EML6: variants seen among roughly 807,000 people sequenced by gnomAD.
EML6 encodes echinoderm microtubule-associated protein-like 6.
In EML6, 154 loss-of-function variants were observed where a neutral mutation model predicts 240.1. The observed-to-expected ratio is 0.64, with a 90% CI of 0.56 to 0.73. EML6 has a LOEUF of 0.73. EML6 is among the 30% of genes least tolerant of loss of function. EML6 has a pLI of 0.00. For missense variants in EML6, 2,964 were observed against 2,474.6 expected (o/e 1.20, Z -4.20); for synonymous variants, 1,148 against 899.0 (o/e 1.28, Z -4.95).
chr2:54,908,203 A>C (rs1673450013), intron 24 of EML6, among the ~76,000 whole-genome samples: 2 of 151,212 alleles, frequency 1.3e-5, no homozygotes, highest in African/African-American at 4.9e-5. Flanking sequence ...CACTCAAACC[A>C]GCTTAAACTT....
In EML6 at chr2:54,883,775, T is replaced by G. The variant is rs553132809; in HGVS notation, c.2438+4135T>G. 5.9e-5 allele frequency among the ~76,000 whole-genome samples: 9 copies of G among 152,350 alleles called. 1 individual carries two copies. In the South Asian group the frequency reaches 1.9e-3, roughly 32 times the overall value. ...ACTTGCAGGCAACTTCCCTACAAGT[T>G]TAACAAGTGTGTATAAGAAAAATGA... On this transcript the variant is annotated intron_variant, in intron 17 of 41. Transcript: ENST00000356458.
intron 2 of EML6, among the ~76,000 whole-genome samples, chr2:54,803,911 G>T (rs145440148): frequency 3.9e-5 from 6 of 152,226 alleles, no homozygotes; most frequent in Non-Finnish European, 8.8e-5. Flanking sequence ...ATGTTTGACA[G>T]AACATTCTGA....
chr2:54,799,344 AGCCACCAC>A (rs1669990528), intron 2 of EML6, among the ~76,000 whole-genome samples: 1 of 151,832 alleles, frequency 6.6e-6, no homozygotes, highest in African/African-American at 2.4e-5. Context: ...TACAGGCATG[AGCCACCAC>A]GCCCAGCCTT....
chr2:54,801,338 T>C (rs1240891777), intron 2 of EML6, among the ~76,000 whole-genome samples: 1 of 148,810 alleles, frequency 6.7e-6, no homozygotes, highest in Non-Finnish European at 1.5e-5. Context: ...AAAAAAAGGT[T>C]TCTCATTGGA....
At chr2:54,950,545 A>C (rs372144125) in intron 29 of EML6, 105 bp from the exon 30 acceptor site, 1,407 of 1,311,970 alleles carry the variant, frequency 1.1e-3, no homozygotes, top group Middle Eastern at 2.2e-3. Context: ...GTCACCAGCC[A>C]TACCGTTCCT....
intron 37 of EML6, 98 bp from the exon 38 acceptor site, chr2:54,964,473 C>T (rs563942673): frequency 2.6e-6 from 3 of 1,166,486 alleles, no homozygotes; most frequent in East Asian, 2.6e-5. Context: ...GCTCTCATTG[C>T]CTTTAGGCCT....
At chr2:54,843,246 T>C (rs775556504) in intron 7 of EML6, among the ~76,000 whole-genome samples, 4 of 152,052 alleles carry the variant, frequency 2.6e-5, no homozygotes, top group African/African-American at 9.7e-5. Flanking sequence ...GGGCACCACA[T>C]AGCAAGACCT....
intron 7 of EML6, among the ~76,000 whole-genome samples, chr2:54,833,776 C>G (rs139697762): frequency 6.6e-6 from 1 of 152,122 alleles, no homozygotes; most frequent in South Asian, 2.1e-4. Flanking sequence ...GTTTCTGTAG[C>G]AACAACAACA....
chr2:54,775,452 C>A (rs1668563078), intron 2 of EML6, among the ~76,000 whole-genome samples: 1 of 152,126 alleles, frequency 6.6e-6, no homozygotes, highest in Admixed American at 6.5e-5. Flanking sequence ...TGGCTTACTC[C>A]CTCATTTTGT....
At chr2:54,823,307 C>T (rs1668416755) in intron 5 of EML6, among the ~76,000 whole-genome samples, 2 of 152,036 alleles carry the variant, frequency 1.3e-5, no homozygotes, top group African/African-American at 2.4e-5. Context: ...GGTCGGGAGG[C>T]AGAACTAGGC....
chr2:54,918,245 C>T (rs1035609207), intron 26 of EML6, among the ~76,000 whole-genome samples: 1 of 152,062 alleles, frequency 6.6e-6, no homozygotes, highest in Admixed American at 6.6e-5. Flanking sequence ...TTTCACAATC[C>T]CGAGTTCTAA....
chr2:54,794,009 C>T (rs1369740152), intron 2 of EML6, among the ~76,000 whole-genome samples: 2 of 152,212 alleles, frequency 1.3e-5, no homozygotes, highest in South Asian at 2.1e-4. Flanking sequence ...TGCCTCACCT[C>T]ATCTAATAAA....
intron 28 of EML6, among the ~76,000 whole-genome samples, chr2:54,929,507 T>A (rs1277566700): frequency 2.6e-5 from 4 of 152,238 alleles, no homozygotes; most frequent in Non-Finnish European, 4.4e-5. Flanking sequence ...ATCTCAAAGA[T>A]GTTTTAATAA....
intron 31 of EML6, among the ~76,000 whole-genome samples, 176 bp downstream of exon 31, chr2:54,952,868 CTG>C (rs779842321): frequency 3.3e-5 from 5 of 152,178 alleles, no homozygotes; most frequent in Admixed American, 6.5e-5. Context: ...CATCCAGTGA[CTG>C]TGATTCTGAG....
intron 33 of EML6, among the ~76,000 whole-genome samples, chr2:54,958,302 C>T (rs1217144294): frequency 6.6e-6 from 1 of 152,138 alleles, no homozygotes; most frequent in Non-Finnish European, 1.5e-5. Context: ...AGCGATTCTC[C>T]TGCCTCAGCC....
intron 25 of EML6, among the ~76,000 whole-genome samples, chr2:54,913,041 TC>T (rs1217268322): frequency 2.0e-5 from 3 of 150,900 alleles, no homozygotes; most frequent in African/African-American, 4.9e-5. Context: ...GAATAAGCAT[TC>T]CCTTTACTCT....
At position 54,829,405 on chromosome 2, in the gene EML6, A is replaced by G. The variant is rs1162785040; in HGVS notation, c.775A>G (p.Ile259Val). The change falls in exon 7 of 42, where the codon ATA becomes GTA. Residue 259 changes from isoleucine (I) to valine (V), a missense_variant. Ile to Val is a conservative substitution (Grantham distance 29, BLOSUM62 3). Transcript: ENST00000356458. Reference protein sequence around the residue: ...GFATGGRDGCIRLWDTDFKPI... With the variant: ...GFATGGRDGCVRLWDTDFKPI... ...TGCCACTGGTGGGCGAGATGGGTGT[A>G]TACGACTGTGGGACACTGATTTCAA... The G allele has an allele frequency of 1.7e-5, 26 of 1,551,750 alleles. No homozygotes were observed. Among genetic ancestry groups the G allele is most frequent in the South Asian group, 9.5e-5 (8 of 84,062 alleles).
At chr2:54,789,379 TG>T (rs1669277892) in intron 2 of EML6, among the ~76,000 whole-genome samples, 1 of 151,084 alleles carries the variant, frequency 6.6e-6, no homozygotes, top group Admixed American at 6.6e-5. Context: ...CCGGGCGTGA[TG>T]GCGGGCGCCT....
At chr2:54,937,038 G>C (rs910147025) in intron 28 of EML6, among the ~76,000 whole-genome samples, 2 of 151,554 alleles carry the variant, frequency 1.3e-5, no homozygotes, top group African/African-American at 4.9e-5. Flanking sequence ...CCAGCACTGT[G>C]GGAGGCGGAG....
Sources: gnomAD v4.1 joint callset for allele counts (sites outside exome capture counted in the v4.1 genomes callset) on GRCh38, gnomAD v4.1.1 for gene constraint, MANE v1.5 for transcripts, NCBI Gene and HGNC (gene_info 2026-07-23, HGNC 2026-07-21) for gene names.